KCTD16: variants seen among roughly 807,000 people sequenced by gnomAD.
KCTD16 encodes the protein BTB/POZ domain-containing protein KCTD16.
A neutral mutation model predicts 33.2 loss-of-function variants in KCTD16; 13 were observed. The ratio of observed to expected loss-of-function variants is 0.39; its 90% CI spans 0.25 to 0.62. The LOEUF is 0.62. Among genes scored for constraint, KCTD16 ranks in the 20% least tolerant of loss-of-function variants. The probability of loss-of-function intolerance (pLI) is 0.50; values close to 1 mark genes in which losing one functional copy is unlikely to be tolerated. For missense variants in KCTD16, 441 were observed against 525.1 expected (o/e 0.84, Z 1.57); for synonymous variants, 197 against 195.3 (o/e 1.01, Z -0.07).
intron 3 of KCTD16, among the ~76,000 whole-genome samples, chr5:144,342,806 C>T (rs1356160107): frequency 8.5e-5 from 13 of 152,080 alleles, no homozygotes; most frequent in Admixed American, 2.6e-4. Flanking sequence ...TGAATTTTGT[C>T]GAAGGTCTTT....
intron 3 of KCTD16, among the ~76,000 whole-genome samples, chr5:144,401,128 T>A (rs1036317945): frequency 6.6e-6 from 1 of 152,112 alleles, no homozygotes; most frequent in African/African-American, 2.4e-5. Flanking sequence ...TTGAACAGAG[T>A]GGTGAGTGCC....
intron 3 of KCTD16, among the ~76,000 whole-genome samples, chr5:144,397,228 C>A (rs896471658): frequency 2.0e-5 from 3 of 151,988 alleles, no homozygotes; most frequent in Non-Finnish European, 4.4e-5. Context: ...CCAGCTTCAT[C>A]CATGTCCCTA....
chr5:144,191,769 A>G (rs1420360594), intron 2 of KCTD16, among the ~76,000 whole-genome samples: 1 of 151,642 alleles, frequency 6.6e-6, no homozygotes, highest in Non-Finnish European at 1.5e-5. Flanking sequence ...TATGCATCTC[A>G]GGCTAACAGT....
intron 3 of KCTD16, among the ~76,000 whole-genome samples, chr5:144,224,093 C>G (rs899210275): frequency 2.6e-5 from 4 of 151,940 alleles, no homozygotes; most frequent in Non-Finnish European, 4.4e-5. Context: ...ATATTTAGTT[C>G]TCAGAACAAG....
chr5:144,454,924 C>A (rs1376980343), intron 3 of KCTD16, among the ~76,000 whole-genome samples: 1 of 152,134 alleles, frequency 6.6e-6, no homozygotes, highest in Non-Finnish European at 1.5e-5. Context: ...TTGGTATCTA[C>A]ATGTGCAGAC....
chr5:144,322,506 AAAAC>A (rs373515591), intron 3 of KCTD16, among the ~76,000 whole-genome samples: 3 of 151,418 alleles, frequency 2.0e-5, no homozygotes, highest in Non-Finnish European at 2.9e-5. Flanking sequence ...CATCACAGAA[AAAAC>A]AAACAAACAA....
In KCTD16 at chr5:144,289,446, C is replaced by T. The variant is rs1382420469; in HGVS notation, c.832+81900C>T. 2.0e-5 allele frequency among the ~76,000 whole-genome samples: 3 copies of T among 152,242 alleles called. No individual in the cohort carries two copies. The East Asian group carries it at 5.8e-4, about 29-fold the overall frequency. On this transcript the variant is annotated intron_variant, in intron 3 of 3. Coordinates refer to ENST00000512467, the MANE Select transcript of KCTD16 (RefSeq NM_020768.4). ...TTGCTTATCACTCATCTTGCATTAC[C>T]TTTCTTTTGTCTGCCTGGGAAACAC...
At chr5:144,417,668 T>C (rs1753095311) in intron 3 of KCTD16, among the ~76,000 whole-genome samples, 1 of 152,204 alleles carries the variant, frequency 6.6e-6, no homozygotes, top group South Asian at 2.1e-4. Context: ...GTCATATCCA[T>C]TACCAAACCC....
intron 3 of KCTD16, among the ~76,000 whole-genome samples, chr5:144,412,463 A>T (rs564573391): frequency 6.6e-6 from 1 of 152,316 alleles, no homozygotes; most frequent in East Asian, 1.9e-4. Context: ...GATGTAGGAG[A>T]TAAAAAAGAA....
At chr5:144,378,155 T>C (rs977430086) in intron 3 of KCTD16, among the ~76,000 whole-genome samples, 1 of 152,206 alleles carries the variant, frequency 6.6e-6, no homozygotes, top group African/African-American at 2.4e-5. Flanking sequence ...CCTTCTGTGC[T>C]CTCCCTCTTT....
chr5:144,189,913 T>A (rs1164905756), intron 2 of KCTD16, among the ~76,000 whole-genome samples: 1 of 152,170 alleles, frequency 6.6e-6, no homozygotes, highest in Non-Finnish European at 1.5e-5. Context: ...CAGAACTACT[T>A]ATTGCATTCA....
At chr5:144,427,024 C>T (rs933848412) in intron 3 of KCTD16, among the ~76,000 whole-genome samples, 6 of 152,074 alleles carry the variant, frequency 3.9e-5, no homozygotes, top group Admixed American at 2.6e-4. Context: ...TTAGGTCTTT[C>T]GTATTCTCTG....
intron 3 of KCTD16, among the ~76,000 whole-genome samples, chr5:144,258,721 T>C (rs1754917767): frequency 1.3e-5 from 2 of 152,242 alleles, no homozygotes; most frequent in South Asian, 2.1e-4. Flanking sequence ...TTGAAAACAG[T>C]ATTTTTTCAG....
intron 3 of KCTD16, among the ~76,000 whole-genome samples, chr5:144,360,829 CTT>C (rs1175952341): frequency 1.3e-5 from 2 of 151,680 alleles, no homozygotes; most frequent in African/African-American, 4.8e-5. Flanking sequence ...GGTTCCAACT[CTT>C]TGCTATTGTG....
chr5:144,366,635 G>A (rs923215982), intron 3 of KCTD16, among the ~76,000 whole-genome samples: 1 of 152,118 alleles, frequency 6.6e-6, no homozygotes, highest in African/African-American at 2.4e-5. Flanking sequence ...GCCCTGAGGT[G>A]GTCTTTTAAG....
intron 3 of KCTD16, among the ~76,000 whole-genome samples, chr5:144,371,249 A>T (rs1433108255): frequency 4.6e-5 from 7 of 152,074 alleles, no homozygotes; most frequent in Non-Finnish European, 7.4e-5. Context: ...AATTCTTTAT[A>T]TATTGTACTT....
intron 3 of KCTD16, among the ~76,000 whole-genome samples, chr5:144,371,575 G>A (rs542615338): frequency 2.6e-5 from 4 of 152,198 alleles, no homozygotes; most frequent in African/African-American, 9.6e-5. Context: ...CATGCACAAC[G>A]ACAAGAAGCA....
At chr5:144,415,202 A>G (rs540700637) in intron 3 of KCTD16, among the ~76,000 whole-genome samples, 32 of 152,240 alleles carry the variant, frequency 2.1e-4, no homozygotes, top group African/African-American at 7.5e-4. Context: ...TCCCATGATA[A>G]TGAACCCACT....
chr5:144,196,765 G>T (rs1257860838), intron 2 of KCTD16, among the ~76,000 whole-genome samples: 1 of 152,078 alleles, frequency 6.6e-6, no homozygotes. Context: ...TACAACACTG[G>T]CTCCATTTCA....
Sources: allele counts gnomAD v4.1 joint callset (sites outside exome capture counted in the v4.1 genomes callset), GRCh38; gene constraint gnomAD v4.1.1; transcripts MANE v1.5; gene names NCBI Gene and HGNC (gene_info 2026-07-23, HGNC 2026-07-21).